Variants in GTF2A1L observed in about 807,000 individuals in gnomAD.
The protein encoded by GTF2A1L is TFIIA-alpha and beta-like factor.
In GTF2A1L, 48 loss-of-function variants were observed where a neutral mutation model predicts 49.7. The observed-to-expected ratio is 0.97, with a 90% confidence interval of 0.77 to 1.23. The LOEUF is 1.23. Ranked by LOEUF, GTF2A1L falls within the 50% of genes most tolerant of loss-of-function variation. The probability of loss-of-function intolerance (pLI) is 0.00; values close to 1 mark genes in which losing one functional copy is unlikely to be tolerated. For missense variants in GTF2A1L, 736 were observed against 564.8 expected (o/e 1.30, Z -3.07); for synonymous variants, 246 against 193.5 (o/e 1.27, Z -2.25).
chr2:48,678,299 T>C (rs1003661451), intron 8 of GTF2A1L, among the ~76,000 whole-genome samples: 3 of 152,022 alleles, frequency 2.0e-5, no homozygotes, highest in Non-Finnish European at 4.4e-5. Context: ...GTCACCGTTG[T>C]ATTCCCGAGA....
intron 6 of GTF2A1L, 87 bp downstream of exon 6, chr2:48,647,129 T>C (rs1276000211): frequency 5.1e-6 from 6 of 1,175,794 alleles, no homozygotes; most frequent in Non-Finnish European, 5.8e-6. Flanking sequence ...GCTGTAATGT[T>C]AATCAGAATT....
At chr2:48,661,870 AT>A (rs1195385339) in intron 6 of GTF2A1L, among the ~76,000 whole-genome samples, 1 of 151,974 alleles carries the variant, frequency 6.6e-6, no homozygotes, top group Non-Finnish European at 1.5e-5. Flanking sequence ...ATGTCTTTTG[AT>A]TGGGGAGTTT....
chr2:48,639,160 A>C (rs189351857), intron 3 of GTF2A1L, among the ~76,000 whole-genome samples: 133 of 152,306 alleles, frequency 8.7e-4, no homozygotes, highest in Non-Finnish European at 1.4e-3. Context: ...TATTCCTATC[A>C]AATTACCAAT....
chr2:48,629,668 G>A (rs1237043195), intron 3 of GTF2A1L, among the ~76,000 whole-genome samples: 1 of 144,344 alleles, frequency 6.9e-6, no homozygotes, highest in African/African-American at 2.5e-5. Context: ...CTATTTTCAG[G>A]CTAAGGGAAA....
chr2:48,653,318 C>T (rs1350000773), intron 6 of GTF2A1L, among the ~76,000 whole-genome samples: 1 of 151,370 alleles, frequency 6.6e-6, no homozygotes, highest in Non-Finnish European at 1.5e-5. Flanking sequence ...TTTAGATTTA[C>T]CATATGAATT....
intron 8 of GTF2A1L, among the ~76,000 whole-genome samples, chr2:48,673,612 G>T (rs1679294259): frequency 6.6e-6 from 1 of 152,020 alleles, no homozygotes; most frequent in Non-Finnish European, 1.5e-5. Context: ...ACCCACCTGG[G>T]AAGTGCTGGG....
chr2:48,622,577 A>G (rs1017109413), intron 3 of GTF2A1L, among the ~76,000 whole-genome samples: 1 of 152,104 alleles, frequency 6.6e-6, no homozygotes, highest in Non-Finnish European at 1.5e-5. Flanking sequence ...GTCTTTTATC[A>G]GAAGAGGCCG....
chr2:48,630,903 A>T (rs1368988890), intron 3 of GTF2A1L, among the ~76,000 whole-genome samples: 1 of 151,950 alleles, frequency 6.6e-6, no homozygotes, highest in Non-Finnish European at 1.5e-5. Context: ...TGTTTATTGT[A>T]TTTGTCAATA....
At chr2:48,628,198 T>C (rs537167148) in intron 3 of GTF2A1L, among the ~76,000 whole-genome samples, 1 of 144,030 alleles carries the variant, frequency 6.9e-6, no homozygotes, top group African/African-American at 2.5e-5. Context: ...GGAGTGCATG[T>C]GTCATTTTGG....
At position 48,646,723 on chromosome 2, in the gene GTF2A1L, C is replaced by T. The variant is rs142381844; in HGVS notation, c.659C>T (p.Ser220Phe). The change falls in exon 6 of 9, where the codon TCT (serine) becomes TTT (phenylalanine). Residue 220 changes from serine to phenylalanine, a missense_variant. Physicochemically the swap from Ser to Phe is radical, Grantham distance 155. Transcript: ENST00000403751. ...LENATSDILV[S>F]PGNEHKIVPE... ...AATGCCACCAGTGATATACTTGTAT[C>T]TCCTGGAAATGAGCATAAAATCGTG... 9 of 1,614,068 alleles carry T rather than the reference C, an allele frequency of 5.6e-6. No individual in the cohort carries two copies. In the African/African-American group the frequency reaches 1.1e-4, roughly 19 times the overall value.
chr2:48,639,977 C>G (rs1311746443), intron 3 of GTF2A1L, among the ~76,000 whole-genome samples: 1 of 152,044 alleles, frequency 6.6e-6, no homozygotes, highest in Non-Finnish European at 1.5e-5. Context: ...TAGAGAAATG[C>G]AAATCAAAAA....
chr2:48,673,799 T>C (rs375838783), intron 8 of GTF2A1L, among the ~76,000 whole-genome samples: 1 of 152,146 alleles, frequency 6.6e-6, no homozygotes, highest in Non-Finnish European at 1.5e-5. Context: ...TTTGTTCAGA[T>C]TTTTGTGTCT....
At chr2:48,623,077 A>T (rs1465963019) in intron 3 of GTF2A1L, among the ~76,000 whole-genome samples, 1 of 152,154 alleles carries the variant, frequency 6.6e-6, no homozygotes, top group Non-Finnish European at 1.5e-5. Flanking sequence ...TATAATGAAG[A>T]GGTTTCAGAG....
intron 3 of GTF2A1L, among the ~76,000 whole-genome samples, chr2:48,637,122 G>A (rs1676937183): frequency 6.6e-6 from 1 of 152,098 alleles, no homozygotes; most frequent in African/African-American, 2.4e-5. Flanking sequence ...AATATTGTTT[G>A]GTCATCAGGA....
chr2:48,675,587 A>G lies in GTF2A1L; in HGVS notation c.1330-3748A>G, dbSNP rs139547021. On this transcript the variant is annotated intron_variant, in intron 8 of 8. Coordinates refer to ENST00000403751, the MANE Select transcript of GTF2A1L (RefSeq NM_006872.5). The stretch of plus-strand genomic sequence containing the variant: ...GGCCTAGAGAATGTCTAAAATTAAT[A>G]TAAGGATTTAAATAATAAAGATATT... Among the ~76,000 whole-genome samples, 156 of 152,170 alleles carry G rather than the reference A, an allele frequency of 1.0e-3. 1 individual carries two copies. The highest frequency in any genetic ancestry group is 1.8e-3 in the Non-Finnish European group (123 of 67,914).
At chr2:48,668,925 G>T (rs1239486217) in intron 6 of GTF2A1L, among the ~76,000 whole-genome samples, 2 of 152,126 alleles carry the variant, frequency 1.3e-5, no homozygotes, top group African/African-American at 4.8e-5. Flanking sequence ...TTTGTTAGCT[G>T]TGCTGGATGA....
chr2:48,655,508 A>G (rs756188126), intron 6 of GTF2A1L, among the ~76,000 whole-genome samples: 1 of 152,014 alleles, frequency 6.6e-6, no homozygotes, highest in African/African-American at 2.4e-5. Flanking sequence ...TACATTTTTT[A>G]AAAGGTAGAA....
At chr2:48,624,053 A>ATCATG (rs1401223939) in intron 3 of GTF2A1L, among the ~76,000 whole-genome samples, 2 of 145,790 alleles carry the variant, frequency 1.4e-5, no homozygotes, top group East Asian at 1.9e-4. Context: ...CCCTGAATCT[A>ATCATG]AACCCAGAAA....
At chr2:48,620,818 T>A (rs1675948677) in intron 1 of GTF2A1L, 33 bp from the exon 2 acceptor site, 3 of 1,060,634 alleles carry the variant, frequency 2.8e-6, no homozygotes, top group Non-Finnish European at 3.8e-6. Context: ...AATAAATAAA[T>A]AAAATGAAAC....
Sources: gnomAD v4.1 joint callset for allele counts (sites outside exome capture counted in the v4.1 genomes callset) on GRCh38, gnomAD v4.1.1 for gene constraint, MANE v1.5 for transcripts, NCBI Gene and HGNC (gene_info 2026-07-23, HGNC 2026-07-21) for gene names.